The following KMT2B variants were observed in gnomAD, a reference collection of about 807,000 sequenced individuals.
KMT2B encodes lysine methyltransferase 2B.
In KMT2B, 22 loss-of-function variants were observed where a neutral mutation model predicts 255.3. That is an observed-to-expected ratio of 0.09 (90% CI 0.06 to 0.12). KMT2B has a LOEUF of 0.12. KMT2B is among the 10% of genes least tolerant of loss of function. KMT2B has a pLI of 1.00. For missense variants in KMT2B, 3,149 were observed against 3,737.0 expected, an observed-to-expected ratio of 0.84 and a Z score of 4.10; for synonymous variants, 1,730 against 1,498.1, an observed-to-expected ratio of 1.15 and a Z score of -3.57.
Position 35,728,178 on chromosome 19 carries a change from A to G in KMT2B, c.4571+7A>G, listed in dbSNP as rs1279217440. Reference sequence around the variant, plus strand: ...GGAGTACCCGGCTGCCAAAGTGAGCAAGGCTGGGTAGCAGAAGGGAAGCCG... The same window carrying G: ...GGAGTACCCGGCTGCCAAAGTGAGCGAGGCTGGGTAGCAGAAGGGAAGCCG... On this transcript the variant is annotated splice_region_variant and intron_variant, in intron 19 of 36. Transcript: ENST00000420124. 1.3e-6 allele frequency: 2 copies of G among 1,582,462 alleles called. No individual in the cohort carries two copies. Among genetic ancestry groups the G allele is most frequent in the Non-Finnish European group, 1.7e-6 (2 of 1,165,036 alleles).
Position 35,718,521 on chromosome 19 carries a change from C to G in KMT2B, c.363+140C>G, listed in dbSNP as rs1969049469. The G allele has an allele frequency of 4.9e-6, 5 of 1,017,144 alleles. No individual in the cohort carries two copies. In the East Asian group the frequency reaches 1.1e-4, roughly 22 times the overall value. 63.0% of individuals were successfully genotyped at this position (1,017,144 alleles called of 1,614,324 possible). A position where few individuals can be genotyped will look rare whatever the true frequency, so the allele number is the denominator to read the frequency against. On this transcript the variant is annotated intron_variant, in intron 1 of 36. Coordinates refer to ENST00000420124, the MANE Select transcript of KMT2B (RefSeq NM_014727.3). This position sits in a 1 kb window ranked among gnomAD's most constrained non-coding sequence, Gnocchi z 5.0. ...GAGACGGGGCACGGAGGGAGGGCGG[C>G]TGCATGCAGCTTCCGGGGGAAAGGG...
chr19:35,737,813 G>A lies in KMT2B; in HGVS notation c.7659-46G>A, dbSNP rs1969978679. The A allele has an allele frequency of 6.4e-7, 1 of 1,550,990 alleles. No individual in the cohort carries two copies. Among genetic ancestry groups the A allele is most frequent in the East Asian group, 2.4e-5 (1 of 41,172 alleles). On this transcript the variant is annotated intron_variant, in intron 34 of 36. Coordinates refer to ENST00000420124, the MANE Select transcript of KMT2B (RefSeq NM_014727.3). This position sits in a 1 kb window ranked among gnomAD's most constrained non-coding sequence, Gnocchi z 5.3. The stretch of plus-strand genomic sequence containing the variant: ...TTAGAGAGTGAGCAGGGGTGAGAGA[G>A]GTCATTCTGAGCACCAGCCTGGGTG...
chr19:35,721,154 A>G lies in KMT2B; in HGVS notation c.1807A>G (p.Ile603Val). Residue 603 changes from isoleucine (I) to valine (V), a missense_variant, in exon 3 of 37, where the codon ATC (isoleucine) becomes GTC (valine). Around this residue, in one of 18 missense-constraint regions of KMT2B, gnomAD observed 1,188 missense variants for 1,106.4 expected, o/e 1.07. Coordinates refer to ENST00000420124, the MANE Select transcript of KMT2B (RefSeq NM_014727.3). ...PVPLPEKRRS[I>V]LREPTFRWTS... ...TCCACTCCCTGAGAAGAGACGGTCC[A>G]TCCTAAGGGAACCCACATTTCGCTG... 1 of 1,587,276 alleles carries G rather than the reference A, an allele frequency of 6.3e-7. No homozygotes were observed. The highest frequency in any genetic ancestry group is 8.6e-7 in the Non-Finnish European group (1 of 1,168,820).
Position 35,724,708 on chromosome 19 carries a change from A to G in KMT2B, c.3406A>G (p.Lys1136Glu). 1 of 1,593,218 alleles carries G rather than the reference A, an allele frequency of 6.3e-7. No homozygotes were observed. Among genetic ancestry groups the G allele is most frequent in the South Asian group, 1.1e-5 (1 of 87,806 alleles). Reference protein sequence around the residue: ...KPTLQPVLQLKARRRLDKDAL... With the variant: ...KPTLQPVLQLEARRRLDKDAL... Reference sequence around the variant, plus strand: ...TACCCTGCAGCCTGTGTTGCAGCTCAAGGCCCGAAGGCGCCTGGACAAGGT... The same window carrying G: ...TACCCTGCAGCCTGTGTTGCAGCTCGAGGCCCGAAGGCGCCTGGACAAGGT... Residue 1136 changes from lysine to glutamate, a missense_variant, in exon 9 of 37, where the codon AAG (lysine) becomes GAG (glutamate). Transcript: ENST00000420124.
chr19:35,726,090 T>C (rs988986685), intron 13 of KMT2B, 146 bp from the exon 14 acceptor site: 56 of 683,508 alleles, frequency 8.2e-5, no homozygotes, highest in Non-Finnish European at 1.4e-4. Flanking sequence ...ATGTTCCTCC[T>C]CCGTGTCTGT....
chr19:35,732,738 C>T lies in KMT2B; in HGVS notation c.6189C>T (p.Gly2063=), dbSNP rs767279205. ...CCCCCCGCATTGAACAGCTGGACGG[C>T]GTGGACGACGGCACTGACAGTGAGG... is the stretch of plus-strand genomic sequence containing the variant. ...PGAPRIEQLD[G]VDDGTDSEAE... Residue 2063 remains glycine, a synonymous_variant, in exon 28 of 37, where the codon GGC becomes GGT. Coordinates refer to ENST00000420124, the MANE Select transcript of KMT2B (RefSeq NM_014727.3). 1.1e-5 allele frequency: 18 copies of T among 1,610,306 alleles called. No individual in the cohort carries two copies. Among genetic ancestry groups the T allele is most frequent in the African/African-American group, 2.7e-5 (2 of 74,998 alleles).
chr19:35,719,656 CAG>C, intron 2 of KMT2B, 115 bp downstream of exon 2: 1 of 1,514,606 alleles, frequency 6.6e-7, no homozygotes, highest in Non-Finnish European at 9.0e-7. Flanking sequence ...GTTCTGTGTT[CAG>C]AGTCCAAGCT....
In KMT2B at chr19:35,723,751, G is replaced by A. The variant is rs1365030398; in HGVS notation, c.3078G>A (p.Thr1026=). The change falls in exon 8 of 37, where the codon ACG becomes ACA. Residue 1026 remains threonine, a synonymous_variant. Transcript: ENST00000420124. The surrounding 1 kb of genome is among the most constrained non-coding windows in gnomAD (Gnocchi z 7.5). ...LAKKGRTIVK[T]LLPWDSDESP... The stretch of plus-strand genomic sequence containing the variant: ...CCGCAGGCCGGACGATAGTGAAGAC[G>A]CTGTTGCCCTGGGATTCCGATGAAT... 6.5e-6 allele frequency: 10 copies of A among 1,541,366 alleles called. No homozygotes were observed. Among genetic ancestry groups the A allele is most frequent in the South Asian group, 3.6e-5 (3 of 82,666 alleles).
chr19:35,731,445 A>G (rs184133744), intron 26 of KMT2B, among the ~76,000 whole-genome samples: 1 of 152,276 alleles, frequency 6.6e-6, no homozygotes, highest in Non-Finnish European at 1.5e-5. Context: ...AAGTGGACAG[A>G]GGAGGAGGGT....
At chr19:35,719,327 G>A (rs1969087243) in intron 1 of KMT2B, 142 bp from the exon 2 acceptor site, 2 of 650,094 alleles carry the variant, frequency 3.1e-6, no homozygotes, top group African/African-American at 1.8e-5. Context: ...CACTACCCGC[G>A]ACCTTTGAGT....
intron 3 of KMT2B, 121 bp from the exon 4 acceptor site, chr19:35,722,238 C>T (rs1363515001): frequency 4.9e-6 from 5 of 1,012,298 alleles, no homozygotes; most frequent in South Asian, 1.7e-5. Flanking sequence ...CTCCTGACCT[C>T]GTGATCTGCC....
Position 35,732,882 on chromosome 19 carries a change from G to A in KMT2B, c.6333G>A (p.Ser2111=), listed in dbSNP as rs763144569. 2.4e-5 allele frequency: 38 copies of A among 1,609,970 alleles called. No homozygotes were observed. The Admixed American group carries it at 4.0e-4, about 17-fold the overall frequency. ...DRARPPEDLP[S]EIVDFVLKNL... is the part of the protein sequence containing the mutation. Reference sequence around the variant, plus strand: ...CCCGGCCTCCTGAGGACCTGCCATCGGAAATTGTGGATTTTGTGTTGAAGA... The same window carrying A: ...CCCGGCCTCCTGAGGACCTGCCATCAGAAATTGTGGATTTTGTGTTGAAGA... The change falls in exon 28 of 37, where the codon TCG becomes TCA. Residue 2111 remains serine (S), a synonymous_variant. Transcript: ENST00000420124.
chr19:35,733,475 A>G lies in KMT2B; in HGVS notation c.6926A>G (p.Asp2309Gly), dbSNP rs1969803310. The part of the protein sequence containing the change: ...RLDEDGEASE[D>G]TPQVPGLGSG... Reference sequence around the variant, plus strand: ...GATGAAGATGGAGAGGCCTCAGAGGATACCCCTCAGGTTCCAGGGCTTGGC... The same window carrying G: ...GATGAAGATGGAGAGGCCTCAGAGGGTACCCCTCAGGTTCCAGGGCTTGGC... The change falls in exon 28 of 37, where the codon GAT (aspartate) becomes GGT (glycine). Residue 2309 changes from aspartate to glycine, a missense_variant. By Grantham distance (94) the Asp-to-Gly change is moderately conservative. Around this residue, in one of 18 missense-constraint regions of KMT2B, gnomAD observed 897 missense variants for 825.3 expected, o/e 1.09. Transcript: ENST00000420124. The surrounding 1 kb of genome is among the most constrained non-coding windows in gnomAD (Gnocchi z 4.3). 1 of 1,564,660 alleles carries G rather than the reference A, an allele frequency of 6.4e-7. No homozygotes were observed. The highest frequency in any genetic ancestry group is 8.7e-7 in the Non-Finnish European group (1 of 1,154,842).
In KMT2B at chr19:35,738,009, GTC is replaced by G; in HGVS notation, c.7743-51_7743-50del. On this transcript the variant is annotated intron_variant, in intron 35 of 36. Coordinates refer to ENST00000420124, the MANE Select transcript of KMT2B (RefSeq NM_014727.3). This position sits in a 1 kb window ranked among gnomAD's most constrained non-coding sequence, Gnocchi z 8.7. ...ACAGGTGCACTGGGTAGGGGGTACTGTCTGGTTTCTGTCCCCCTCCCCCCTGA... is the reference window on the plus strand; with the variant it reads ...ACAGGTGCACTGGGTAGGGGGTACTGTGGTTTCTGTCCCCCTCCCCCCTGA... 1 of 1,613,000 alleles carries G rather than the reference GTC, an allele frequency of 6.2e-7. No individual in the cohort carries two copies. Among genetic ancestry groups the G allele is most frequent in the Non-Finnish European group, 8.5e-7 (1 of 1,179,444 alleles).
At position 35,721,352 on chromosome 19, in the gene KMT2B, C is replaced by T. The variant is rs904552535; in HGVS notation, c.2005C>T (p.Pro669Ser). 71 of 1,584,834 alleles carry T rather than the reference C, an allele frequency of 4.5e-5. No homozygotes were observed. The highest frequency in any genetic ancestry group is 5.6e-5 in the Non-Finnish European group (65 of 1,166,770). The part of the protein sequence containing the change: ...LKIYESVLTP[P>S]PLGAPEAPEP... ...GATCTACGAATCGGTGCTTACTCCT[C>T]CTCCTCTTGGGGCTCCTGAAGCCCC... Residue 669 changes from proline (P) to serine (S), a missense_variant, in exon 3 of 37, where the codon CCT becomes TCT. Pro to Ser is a moderately conservative substitution (Grantham distance 74, BLOSUM62 -1). Transcript: ENST00000420124.
intron 30 of KMT2B, chr19:35,735,155 C>G (rs1045321041): frequency 2.0e-5 from 3 of 152,418 alleles, no homozygotes; most frequent in African/African-American, 7.2e-5. Context: ...GAGGTGGACT[C>G]TGGGGCACTG....
Position 35,730,602 on chromosome 19 carries a change from C to T in KMT2B, c.5262C>T (p.Phe1754=), listed in dbSNP as rs1292148740. 6.2e-7 allele frequency: 1 copy of T among 1,614,030 alleles called. No homozygotes were observed. ...TCTCGGACTGCGAGGGACGGCTCTT[C>T]CCCATTGGCTACCAGTGAGCGGTCG... is the stretch of plus-strand genomic sequence containing the variant. ...SDLSDCEGRL[F]PIGYQCSRLY... The change falls in exon 25 of 37, where the codon TTC becomes TTT. Residue 1754 remains phenylalanine, a synonymous_variant. Transcript: ENST00000420124.
At position 35,719,528 on chromosome 19, in the gene KMT2B, C is replaced by G. The variant is rs779815022; in HGVS notation, c.423C>G (p.Leu141=). ...DVAPSSLRSA[L]RSQRGRAPRG... is the part of the protein sequence containing the mutation. ...CCCCCAGTTCCCTGCGCTCTGCGCT[C>G]CGATCCCAGCGAGGTGAGTGACGGG... Residue 141 remains leucine (L), a synonymous_variant, in exon 2 of 37, where the codon CTC becomes CTG. Coordinates refer to ENST00000420124, the MANE Select transcript of KMT2B (RefSeq NM_014727.3). 1.3e-6 allele frequency: 2 copies of G among 1,589,846 alleles called. No homozygotes were observed. Among genetic ancestry groups the G allele is most frequent in the Non-Finnish European group, 1.7e-6 (2 of 1,168,246 alleles).
rs751482151 is a variant in KMT2B at position 35,720,917 on chromosome 19, A to G, written c.1570A>G (p.Ile524Val). 3.7e-6 allele frequency: 6 copies of G among 1,610,062 alleles called. No individual in the cohort carries two copies. The highest frequency in any genetic ancestry group is 2.7e-5 in the African/African-American group (2 of 74,602). The change falls in exon 3 of 37, where the codon ATC (isoleucine) becomes GTC (valine). Residue 524 changes from isoleucine to valine, a missense_variant. This residue lies in a region of KMT2B where 1,188 missense variants were observed against 1,106.4 expected (regional missense o/e 1.07). Transcript: ENST00000420124. ...APKSTTFLKN[I>V]RQFIMPVVSA... ...CAAAAGCACCACCTTCCTGAAGAAT[A>G]TCCGGCAGTTTATTATGCCTGTGGT...
Sources: gnomAD v4.1 joint callset for allele counts (sites outside exome capture counted in the v4.1 genomes callset) on GRCh38, gnomAD v4.1.1 for gene constraint, gnomAD v4.1.1 regional missense constraint, Gnocchi (gnomAD v3.1) non-coding constraint, MANE v1.5 for transcripts, NCBI Gene and HGNC (gene_info 2026-07-23, HGNC 2026-07-21) for gene names.